The following WWTR1 variants were observed in gnomAD, a reference collection of about 807,000 sequenced individuals.
WWTR1 encodes the protein WW domain containing transcription regulator 1.
Under a neutral mutation model 40.1 loss-of-function variants are expected in WWTR1, and 13 were observed. The ratio of observed to expected loss-of-function variants is 0.32; its 90% CI spans 0.21 to 0.52. WWTR1 has a LOEUF of 0.52. Among genes scored for constraint, WWTR1 ranks in the 20% least tolerant of loss-of-function variants. WWTR1 has a pLI of 0.97. For missense variants in WWTR1, 436 were observed against 523.1 expected (o/e 0.83, Z 1.63); for synonymous variants, 230 against 210.1 (o/e 1.09, Z -0.82).
At chr3:149,678,835 T>TG (rs1230444207) in intron 1 of WWTR1, among the ~76,000 whole-genome samples, 1 of 151,718 alleles carries the variant, frequency 6.6e-6, no homozygotes, top group East Asian at 1.9e-4. Context: ...TTTTTTTTTT[T>TG]TTTTTTGATG....
At chr3:149,628,627 A>G (rs1711497597) in intron 2 of WWTR1, among the ~76,000 whole-genome samples, 1 of 152,128 alleles carries the variant, frequency 6.6e-6, no homozygotes, top group Non-Finnish European at 1.5e-5. Flanking sequence ...GGTTAGGGAA[A>G]ATGGATGGTT....
chr3:149,547,371 A>G (rs1736414395), intron 3 of WWTR1, among the ~76,000 whole-genome samples: 1 of 152,162 alleles, frequency 6.6e-6, no homozygotes, highest in South Asian at 2.1e-4. Context: ...CTAAAAATAC[A>G]AAAAATTATC....
chr3:149,542,884 T>TTG (rs3217417), intron 3 of WWTR1, among the ~76,000 whole-genome samples: 7,136 of 150,052 alleles, frequency 0.048, 217 homozygotes, highest in African/African-American at 0.086. Flanking sequence ...ACCAGATCAT[T>TTG]TGTGTGTGTG....
At chr3:149,538,010 C>A (rs1195649153) in intron 4 of WWTR1, among the ~76,000 whole-genome samples, 1 of 151,998 alleles carries the variant, frequency 6.6e-6, no homozygotes, top group Non-Finnish European at 1.5e-5. Context: ...ACCTCCACCT[C>A]CCAGGTCCAA....
intron 4 of WWTR1, among the ~76,000 whole-genome samples, chr3:149,538,011 C>T (rs553431272): frequency 6.6e-6 from 1 of 152,158 alleles, no homozygotes; most frequent in South Asian, 2.1e-4. Context: ...CCTCCACCTC[C>T]CAGGTCCAAG....
chr3:149,627,639 G>A (rs2108100004), intron 2 of WWTR1, among the ~76,000 whole-genome samples: 1 of 152,286 alleles, frequency 6.6e-6, no homozygotes, highest in South Asian at 2.1e-4. Flanking sequence ...AGATATCCAT[G>A]TTGTCCATGA....
chr3:149,626,991 G>A (rs1229885198), intron 2 of WWTR1, among the ~76,000 whole-genome samples: 1 of 152,090 alleles, frequency 6.6e-6, no homozygotes, highest in East Asian at 1.9e-4. Flanking sequence ...GGCCAGGTAA[G>A]CTAACAAAAA....
intron 6 of WWTR1, among the ~76,000 whole-genome samples, 181 bp from the exon 7 acceptor site, chr3:149,521,170 C>T (rs1735027798): frequency 6.6e-6 from 1 of 152,038 alleles, no homozygotes; most frequent in Non-Finnish European, 1.5e-5. Context: ...AGGTGTGGTC[C>T]AGAATGGAAA....
chr3:149,723,334 A>G (rs536528584), intron 4 of WWTR1, among the ~76,000 whole-genome samples: 12 of 151,958 alleles, frequency 7.9e-5, no homozygotes, highest in African/African-American at 2.9e-4. Flanking sequence ...GATTACAGGC[A>G]TGTGCCACCA....
chr3:149,541,044 A>G, intron 4 of WWTR1: 1 of 456,576 alleles, frequency 2.2e-6, no homozygotes, highest in Non-Finnish European at 4.4e-6. Flanking sequence ...TCCTCCAAGA[A>G]AGTTCTCTGG....
intron 2 of WWTR1, among the ~76,000 whole-genome samples, chr3:149,603,343 C>T (rs1739334528): frequency 6.6e-6 from 1 of 152,084 alleles, no homozygotes; most frequent in Non-Finnish European, 1.5e-5. Flanking sequence ...AATAACTGTA[C>T]AAGGGAATGC....
chr3:149,707,663 C>T (rs1413305447), upstream of WWTR1, among the ~76,000 whole-genome samples: 1 of 152,096 alleles, frequency 6.6e-6, no homozygotes, highest in Non-Finnish European at 1.5e-5. Context: ...GGAATCATTT[C>T]TCAGAGGACT....
chr3:149,656,980 C>G lies in WWTR1; in HGVS notation c.327G>C (p.Gln109His), dbSNP rs756822799. 13 of 1,599,240 alleles carry G rather than the reference C, an allele frequency of 8.1e-6. No homozygotes were observed. Among genetic ancestry groups the G allele is most frequent in the South Asian group, 3.3e-5 (3 of 90,116 alleles). Residue 109 changes from glutamine to histidine, a missense_variant, in exon 2 of 7, where the codon CAG (glutamine) becomes CAC (histidine). By Grantham distance (24) the Gln-to-His change is conservative. Coordinates refer to ENST00000360632, the MANE Select transcript of WWTR1 (RefSeq NM_015472.6). The stretch of plus-strand genomic sequence containing the variant: ...AGGACTGCTGGCGGAGGTGCGCGTG[C>G]TGCTGCGCGGGGCTACCCGCAGCAC... ...GAGAAGSPAQ[Q>H]HAHLRQQSYD... is the part of the protein sequence containing the mutation.
chr3:149,581,017 A>T (rs1407037588), intron 2 of WWTR1, among the ~76,000 whole-genome samples: 1 of 152,234 alleles, frequency 6.6e-6, no homozygotes, highest in African/African-American at 2.4e-5. Flanking sequence ...ATATGTTGAC[A>T]ATCAGAAATA....
chr3:149,703,909 A>G (rs1715267907), upstream of WWTR1, among the ~76,000 whole-genome samples: 1 of 152,222 alleles, frequency 6.6e-6, no homozygotes, highest in Non-Finnish European at 1.5e-5. Context: ...CTGTGGAACC[A>G]TGAGCCAAAA....
chr3:149,567,619 G>A (rs1737394444), intron 3 of WWTR1, among the ~76,000 whole-genome samples: 1 of 152,194 alleles, frequency 6.6e-6, no homozygotes, highest in Admixed American at 6.5e-5. Context: ...TTACACAGGA[G>A]CCAGAAAGGG....
intron 1 of WWTR1, among the ~76,000 whole-genome samples, chr3:149,689,992 T>C (rs1714765738): frequency 6.6e-6 from 1 of 152,274 alleles, no homozygotes; most frequent in East Asian, 1.9e-4. Flanking sequence ...AGTAAAAGTA[T>C]AGTTTTTATT....
intron 1 of WWTR1, among the ~76,000 whole-genome samples, chr3:149,685,618 T>G (rs1714623241): frequency 6.6e-6 from 1 of 152,222 alleles, no homozygotes; most frequent in African/African-American, 2.4e-5. Context: ...AATCATTTTG[T>G]AATCCTCCCC....
chr3:149,713,102 G>A (rs116195007), intron 5 of WWTR1, among the ~76,000 whole-genome samples: 3 of 152,104 alleles, frequency 2.0e-5, no homozygotes, highest in Non-Finnish European at 4.4e-5. Context: ...GGAGAGAAAA[G>A]GTAATACTCA....
Sources: allele counts gnomAD v4.1 joint callset (sites outside exome capture counted in the v4.1 genomes callset), GRCh38; gene constraint gnomAD v4.1.1; transcripts MANE v1.5; gene names NCBI Gene and HGNC (gene_info 2026-07-23, HGNC 2026-07-21).